CDCA2: variants seen among roughly 807,000 people sequenced by gnomAD.
CDCA2 encodes the protein cell division cycle-associated protein 2.
CDCA2 carries 44 observed loss-of-function variants against 67.0 expected under a neutral mutation model. That is an observed-to-expected ratio of 0.66 (90% confidence interval 0.52 to 0.84). CDCA2 has a LOEUF of 0.84. Ranked by LOEUF, CDCA2 falls within the 40% of genes least tolerant of loss-of-function variation. CDCA2 has a pLI of 0.00. For missense variants in CDCA2, 1,253 were observed against 1,203.2 expected (o/e 1.04, Z -0.61); for synonymous variants, 447 against 418.7 (o/e 1.07, Z -0.82).
chr8:25,504,538 G>A (rs771513409), intron 14 of CDCA2, among the ~76,000 whole-genome samples: 65 of 152,014 alleles, frequency 4.3e-4, no homozygotes, highest in Admixed American at 1.4e-3. Flanking sequence ...TCCTATTTGC[G>A]GTATACCATA....
At chr8:25,505,973 G>A (rs905289553) in intron 14 of CDCA2, among the ~76,000 whole-genome samples, 1 of 152,186 alleles carries the variant, frequency 6.6e-6, no homozygotes, top group African/African-American at 2.4e-5. Flanking sequence ...ACCTGGTTCT[G>A]TTTCGGAGTA....
rs1230396305 is a variant in CDCA2 at position 25,487,244 on chromosome 8, A to G, written c.1445-2A>G. 1.9e-6 allele frequency: 3 copies of G among 1,603,226 alleles called. No homozygotes were observed. Among genetic ancestry groups the G allele is most frequent in the Non-Finnish European group, 2.6e-6 (3 of 1,171,064 alleles). On this transcript the variant is annotated splice_acceptor_variant, in intron 11 of 14. Coordinates refer to ENST00000330560, the MANE Select transcript of CDCA2 (RefSeq NM_152562.4). LOFTEE classifies it high-confidence loss of function. ...TGATTTAGCTTTTGTCTTGTTTATC[A>G]GGCACTGATACCTTTAGTTCTTCAA... is the stretch of plus-strand genomic sequence containing the variant.
chr8:25,469,226 G>A (rs576411582), intron 6 of CDCA2, among the ~76,000 whole-genome samples: 7 of 152,164 alleles, frequency 4.6e-5, no homozygotes, highest in Non-Finnish European at 8.8e-5. Flanking sequence ...CGTCCTATTC[G>A]TTTTATGTGG....
chr8:25,496,805 A>T (rs1296502296), intron 13 of CDCA2, among the ~76,000 whole-genome samples: 1 of 152,204 alleles, frequency 6.6e-6, no homozygotes, highest in Non-Finnish European at 1.5e-5. Flanking sequence ...ATCAATAGGA[A>T]TGTAAATTGC....
intron 7 of CDCA2, among the ~76,000 whole-genome samples, chr8:25,476,797 G>C (rs1434731813): frequency 6.6e-6 from 1 of 151,912 alleles, no homozygotes. Flanking sequence ...CTGGTGATCT[G>C]CCCACCTAGG....
intron 12 of CDCA2, 131 bp from the exon 13 acceptor site, chr8:25,488,421 G>A (rs1270150130): frequency 2.7e-6 from 2 of 750,148 alleles, no homozygotes; most frequent in Non-Finnish European, 3.9e-6. Flanking sequence ...TTTTAATAAG[G>A]TTTGTGAATT....
At chr8:25,467,067 C>A (rs140631338) in intron 5 of CDCA2, among the ~76,000 whole-genome samples, 1,145 of 60,272 alleles carry the variant, frequency 0.019, 5 homozygotes, top group South Asian at 0.072. Flanking sequence ...AAAAAAAAAA[C>A]ACACACACAC....
intron 8 of CDCA2, among the ~76,000 whole-genome samples, chr8:25,480,530 C>T (rs1193322285): frequency 1.3e-5 from 2 of 151,888 alleles, no homozygotes; most frequent in African/African-American, 4.8e-5. Context: ...TTAAAAGTAC[C>T]TCTTATAGCC....
intron 4 of CDCA2, among the ~76,000 whole-genome samples, chr8:25,465,093 C>T (rs950678721): frequency 6.6e-6 from 1 of 152,204 alleles, no homozygotes; most frequent in Non-Finnish European, 1.5e-5. Context: ...CCCACCTCAG[C>T]CTCCCACATA....
chr8:25,483,826 ATTATT>A lies in CDCA2; in HGVS notation c.1121-135_1121-131del, dbSNP rs1302095988. ...CCATTTTGAATTTGCTCTACCAACAATTATTTTATAGCTTTGCTTTACTAGCTATT... is the reference window on the plus strand; with the variant it reads ...CCATTTTGAATTTGCTCTACCAACAATTATAGCTTTGCTTTACTAGCTATT... On this transcript the variant is annotated intron_variant, in intron 9 of 14. Coordinates refer to ENST00000330560, the MANE Select transcript of CDCA2 (RefSeq NM_152562.4). 1.4e-4 allele frequency: 110 copies of A among 759,472 alleles called. No individual in the cohort carries two copies. The African/African-American group carries it at 1.5e-3, about 10-fold the overall frequency. The allele number at this position is 759,472 out of a possible 1,614,324, so 47.0% of individuals were successfully genotyped here.
intron 3 of CDCA2, 126 bp downstream of exon 3, chr8:25,460,680 T>A: frequency 2.1e-6 from 2 of 974,266 alleles, no homozygotes; most frequent in Non-Finnish European, 3.0e-6. Context: ...TCTGCAAACT[T>A]GCTTCTTCAG....
chr8:25,503,413 A>G lies in CDCA2; in HGVS notation c.1712A>G (p.Lys571Arg), dbSNP rs765835164. ...AGAAAGAAGAAAGGAAAGGGAAAGA[A>G]AAGTGTTCAGAAATCTTTATATGGG... Reference protein sequence around the residue: ...SCRKKKGKGKKSVQKSLYGER... With the variant: ...SCRKKKGKGKRSVQKSLYGER... Residue 571 changes from lysine to arginine, a missense_variant, in exon 14 of 15, where the codon AAA (lysine) becomes AGA (arginine). Lys to Arg is a conservative substitution (Grantham distance 26, BLOSUM62 2). Transcript: ENST00000330560. 27 of 1,614,030 alleles carry G rather than the reference A, an allele frequency of 1.7e-5. No individual in the cohort carries two copies. Among genetic ancestry groups the G allele is most frequent in the Non-Finnish European group, 2.3e-5 (27 of 1,179,986 alleles).
intron 13 of CDCA2, among the ~76,000 whole-genome samples, chr8:25,493,204 A>G (rs940997927): frequency 6.6e-6 from 1 of 152,350 alleles, no homozygotes; most frequent in East Asian, 1.9e-4. Context: ...AAGAGCCACA[A>G]TTAACATAGA....
At chr8:25,499,237 G>A (rs1373548660) in intron 13 of CDCA2, among the ~76,000 whole-genome samples, 2 of 151,204 alleles carry the variant, frequency 1.3e-5, no homozygotes, top group East Asian at 3.9e-4. Flanking sequence ...GCAGGCAAGT[G>A]TGTGCTTGAT....
At chr8:25,502,098 T>C (rs1324172352) in intron 13 of CDCA2, among the ~76,000 whole-genome samples, 10 of 152,180 alleles carry the variant, frequency 6.6e-5, no homozygotes, top group Non-Finnish European at 1.5e-4. Flanking sequence ...GCTTTCACCA[T>C]GTTGGCCAGG....
intron 3 of CDCA2, among the ~76,000 whole-genome samples, 162 bp from the exon 4 acceptor site, chr8:25,461,892 C>G (rs1350473107): frequency 6.6e-6 from 1 of 152,192 alleles, no homozygotes; most frequent in African/African-American, 2.4e-5. Flanking sequence ...ATTCCTCTTC[C>G]ACTGATTGTA....
chr8:25,492,723 A>G (rs73550848), intron 13 of CDCA2, among the ~76,000 whole-genome samples: 205 of 152,330 alleles, frequency 1.3e-3, no homozygotes, highest in African/African-American at 4.5e-3. Context: ...AGTCATAATA[A>G]TACAGATGCT....
chr8:25,505,861 A>G (rs887378690), intron 14 of CDCA2, among the ~76,000 whole-genome samples: 5 of 152,266 alleles, frequency 3.3e-5, no homozygotes, highest in African/African-American at 1.2e-4. Context: ...TCCACCTCTG[A>G]TGTGCCAGAA....
At chr8:25,472,622 T>C (rs1434236445) in intron 7 of CDCA2, among the ~76,000 whole-genome samples, 1 of 152,218 alleles carries the variant, frequency 6.6e-6, no homozygotes, top group African/African-American at 2.4e-5. Context: ...CCTTCCTTTA[T>C]TTCTTTTTAA....
Sources: allele counts gnomAD v4.1 joint callset (sites outside exome capture counted in the v4.1 genomes callset), GRCh38; gene constraint gnomAD v4.1.1; transcripts MANE v1.5; gene names NCBI Gene and HGNC (gene_info 2026-07-23, HGNC 2026-07-21).